BSN: variants seen among roughly 807,000 people sequenced by gnomAD.
BSN encodes bassoon presynaptic cytomatrix protein, also known as protein bassoon.
BSN carries 57 observed loss-of-function variants against 264.8 expected under a neutral mutation model. The ratio of observed to expected loss-of-function variants is 0.22; its 90% CI spans 0.17 to 0.27. BSN has a LOEUF of 0.27. Ranked by LOEUF, BSN falls within the 10% of genes least tolerant of loss-of-function variation. BSN has a pLI of 1.00. For missense variants in BSN, 4,615 were observed against 5,232.5 expected (o/e 0.88, Z 3.64); for synonymous variants, 2,059 against 2,137.3 (o/e 0.96, Z 1.01).
chr3:49,655,334 G>A lies in BSN; in HGVS notation c.5778G>A (p.Lys1926=), dbSNP rs1178195914. The A allele has an allele frequency of 1.2e-6, 2 of 1,605,772 alleles. No homozygotes were observed. The highest frequency in any genetic ancestry group is 1.7e-6 in the Non-Finnish European group (2 of 1,176,190). ...ACCCGGCCCCCAGTGTGCCTGAGAAGAGCATGGCAGATGCTGCCCCACCTG... is the reference window on the plus strand; with the variant it reads ...ACCCGGCCCCCAGTGTGCCTGAGAAAAGCATGGCAGATGCTGCCCCACCTG... ...TFHPAPSVPE[K]SMADAAPPGQ... The change falls in exon 5 of 12, where the codon AAG becomes AAA. Residue 1926 remains lysine (K), a synonymous_variant. Coordinates refer to ENST00000296452, the MANE Select transcript of BSN (RefSeq NM_003458.4).
intron 2 of BSN, chr3:49,641,704 C>T (rs2052466322): frequency 6.6e-6 from 1 of 152,252 alleles, no homozygotes; most frequent in Admixed American, 6.5e-5. Context: ...CTCTAAGCTT[C>T]TTCAGGATAG....
chr3:49,662,166 A>T lies in BSN; in HGVS notation c.10321A>T (p.Ser3441Cys). The T allele has an allele frequency of 6.2e-7, 1 of 1,612,772 alleles. No individual in the cohort carries two copies. The highest frequency in any genetic ancestry group is 8.5e-7 in the Non-Finnish European group (1 of 1,179,874). Residue 3441 changes from serine to cysteine, a missense_variant, in exon 6 of 12, where the codon AGC becomes TGC. This residue lies in a region of BSN where 3,415 missense variants were observed against 3,866.4 expected (regional missense o/e 0.88). Coordinates refer to ENST00000296452, the MANE Select transcript of BSN (RefSeq NM_003458.4). The part of the protein sequence containing the change: ...VEDDRIYGGS[S>C]RSRAPSAYSG... Reference sequence around the variant, plus strand: ...GGACGACCGCATTTATGGCGGGAGCAGCCGGTCCCGGGCACCTTCTGCATA... The same window carrying T: ...GGACGACCGCATTTATGGCGGGAGCTGCCGGTCCCGGGCACCTTCTGCATA...
intron 2 of BSN, among the ~76,000 whole-genome samples, chr3:49,628,562 C>T (rs2052360923): frequency 6.6e-6 from 1 of 152,202 alleles, no homozygotes; most frequent in Non-Finnish European, 1.5e-5. Context: ...ACTACACTTA[C>T]ACAGACAGAC....
chr3:49,657,747 G>C lies in BSN; in HGVS notation c.8191G>C (p.Gly2731Arg). The C allele has an allele frequency of 6.5e-7, 1 of 1,548,604 alleles. No homozygotes were observed. The highest frequency in any genetic ancestry group is 1.4e-5 in the African/African-American group (1 of 73,292). The change falls in exon 5 of 12, where the codon GGG becomes CGG. Residue 2731 changes from glycine (G) to arginine (R), a missense_variant. Physicochemically the swap from Gly to Arg is moderately radical, Grantham distance 125. This residue lies in a region of BSN where 3,415 missense variants were observed against 3,866.4 expected (regional missense o/e 0.88). Transcript: ENST00000296452. Reference sequence around the variant, plus strand: ...AGATGGGCAGGCCCAGGGTGTAGCCGGGCCGCAGCTTGTAGGGCCAACTGC... The same window carrying C: ...AGATGGGCAGGCCCAGGGTGTAGCCCGGCCGCAGCTTGTAGGGCCAACTGC... ...EPDGQAQGVA[G>R]PQLVGPTAIS...
intron 1 of BSN, among the ~76,000 whole-genome samples, chr3:49,569,114 C>T (rs1412272935): frequency 6.6e-6 from 1 of 152,056 alleles, no homozygotes; most frequent in Non-Finnish European, 1.5e-5. Flanking sequence ...CTGGTGTACA[C>T]AGGGAGGAGG....
chr3:49,639,199 CTTT>C (rs71631022), intron 2 of BSN, among the ~76,000 whole-genome samples: 5 of 133,858 alleles, frequency 3.7e-5, no homozygotes, highest in Admixed American at 7.5e-5. Flanking sequence ...CTTTCTTTTT[CTTT>C]TTTTTTTTTT....
At chr3:49,575,114 A>G (rs1412870849) in intron 1 of BSN, among the ~76,000 whole-genome samples, 1 of 152,082 alleles carries the variant, frequency 6.6e-6, no homozygotes, top group African/African-American at 2.4e-5. Flanking sequence ...TGGGATGCCA[A>G]GGCGGGCAGA....
intron 1 of BSN, among the ~76,000 whole-genome samples, chr3:49,561,395 G>A (rs2051710966): frequency 6.6e-6 from 1 of 152,242 alleles, no homozygotes; most frequent in African/African-American, 2.4e-5. Flanking sequence ...ACTGGCTTGT[G>A]TGGGGAGCCA....
chr3:49,667,096 C>T (rs763285548), intron 11 of BSN, among the ~76,000 whole-genome samples: 1 of 152,148 alleles, frequency 6.6e-6, no homozygotes, highest in Non-Finnish European at 1.5e-5. Flanking sequence ...CTTTGTTCTG[C>T]GTCCTGCCAC....
At chr3:49,613,502 ATTT>A (rs908149113) in intron 1 of BSN, among the ~76,000 whole-genome samples, 1 of 146,086 alleles carries the variant, frequency 6.8e-6, no homozygotes, top group African/African-American at 2.5e-5. Flanking sequence ...TATTATTATT[ATTT>A]TTTTTTGAGA....
At chr3:49,643,363 G>A (rs2052481821) in intron 3 of BSN, among the ~76,000 whole-genome samples, 1 of 152,210 alleles carries the variant, frequency 6.6e-6, no homozygotes, top group African/African-American at 2.4e-5. Flanking sequence ...AGAGTTGGGG[G>A]TAATGGTGCC....
chr3:49,645,227 C>A (rs554924572), intron 3 of BSN, among the ~76,000 whole-genome samples: 1 of 152,228 alleles, frequency 6.6e-6, no homozygotes, highest in African/African-American at 2.4e-5. Context: ...CTCCTGACAG[C>A]AGTCAGGGGT....
chr3:49,601,635 T>C (rs1425245005), intron 1 of BSN, among the ~76,000 whole-genome samples: 1 of 152,200 alleles, frequency 6.6e-6, no homozygotes, highest in Non-Finnish European at 1.5e-5. Flanking sequence ...GAGGCCGTCA[T>C]TCTTACTGAA....
rs1469026689 is a variant in BSN at position 49,585,007 on chromosome 3, A to G, written c.224+30181A>G. On this transcript the variant is annotated intron_variant, in intron 1 of 11. Transcript: ENST00000296452. This position sits in a 1 kb window ranked among gnomAD's most constrained non-coding sequence, Gnocchi z 4.7. ...ATGGCTGAGTAGTACTCCACTGTAT[A>G]TACGTGCCACATTTTCTTTATCCAT... Among the ~76,000 whole-genome samples the G allele has an allele frequency of 6.6e-6, 1 of 152,168 alleles. No individual in the cohort carries two copies. The highest frequency in any genetic ancestry group is 1.5e-5 in the Non-Finnish European group (1 of 68,036).
Position 49,651,027 on chromosome 3 carries a change from C to T in BSN, c.1934C>T (p.Ala645Val). ...AGTGGGGTGAGGAGGGCTGAACCTG[C>T]CACCCCTGTCGTCAAGGCTGTTCCA... The part of the protein sequence containing the change: ...VKSGVRRAEP[A>V]TPVVKAVPEA... Residue 645 changes from alanine to valine, a missense_variant, in exon 4 of 12, where the codon GCC becomes GTC. Transcript: ENST00000296452. The surrounding 1 kb of genome is among the most constrained non-coding windows in gnomAD (Gnocchi z 5.4). The T allele has an allele frequency of 6.2e-7, 1 of 1,613,722 alleles. No individual in the cohort carries two copies. Among genetic ancestry groups the T allele is most frequent in the Non-Finnish European group, 8.5e-7 (1 of 1,179,912 alleles).
chr3:49,653,843 G>A lies in BSN; in HGVS notation c.4287G>A (p.Gly1429=), dbSNP rs941259480. The A allele has an allele frequency of 1.2e-6, 2 of 1,614,090 alleles. No individual in the cohort carries two copies. Among genetic ancestry groups the A allele is most frequent in the African/African-American group, 1.3e-5 (1 of 75,002 alleles). ...YGHSPTTANY[G]SQTEDLPQAP... ...ACAGCCCAACCACTGCAAACTATGG[G>A]TCCCAAACTGAGGATCTACCCCAGG... is the stretch of plus-strand genomic sequence containing the variant. The change falls in exon 5 of 12, where the codon GGG becomes GGA. Residue 1429 remains glycine (G), a synonymous_variant. Transcript: ENST00000296452. This position sits in a 1 kb window ranked among gnomAD's most constrained non-coding sequence, Gnocchi z 6.3.
chr3:49,627,076 C>T (rs775535445), intron 2 of BSN, among the ~76,000 whole-genome samples: 3 of 152,266 alleles, frequency 2.0e-5, no homozygotes, highest in Admixed American at 2.0e-4. Context: ...CTCACACTTA[C>T]TTCAGATCCA....
In BSN at chr3:49,657,764, G is replaced by A; in HGVS notation, c.8208G>A (p.Gly2736=). ...AQGVAGPQLV[G]PTAISPYLPG... ...GTGTAGCCGGGCCGCAGCTTGTAGG[G>A]CCAACTGCCATCAGCCCCTACCTGC... is the stretch of plus-strand genomic sequence containing the variant. The change falls in exon 5 of 12, where the codon GGG becomes GGA. Residue 2736 remains glycine (G), a synonymous_variant. Coordinates refer to ENST00000296452, the MANE Select transcript of BSN (RefSeq NM_003458.4). The A allele has an allele frequency of 6.4e-7, 1 of 1,552,870 alleles. No homozygotes were observed. The highest frequency in any genetic ancestry group is 8.7e-7 in the Non-Finnish European group (1 of 1,147,680).
In BSN at chr3:49,668,094, A is replaced by G. The variant is rs527682776; in HGVS notation, c.*609A>G. ...CTGGGTGACATCGGAGCAGACCTCC[A>G]TGTGGCCAGGGGTTGGGAGAACTTT... On this transcript the variant is annotated 3_prime_UTR_variant, in exon 12 of 12. Coordinates refer to ENST00000296452, the MANE Select transcript of BSN (RefSeq NM_003458.4). The G allele has an allele frequency of 6.6e-6, 1 of 152,590 alleles. No homozygotes were observed. The highest frequency in any genetic ancestry group is 1.5e-5 in the Non-Finnish European group (1 of 68,034). The allele number at this position is 152,590 out of a possible 1,614,324, so 9.5% of individuals were successfully genotyped here.
Sources: gnomAD v4.1 joint callset for allele counts (sites outside exome capture counted in the v4.1 genomes callset) on GRCh38, gnomAD v4.1.1 for gene constraint, gnomAD v4.1.1 regional missense constraint, Gnocchi (gnomAD v3.1) non-coding constraint, MANE v1.5 for transcripts, NCBI Gene and HGNC (gene_info 2026-07-23, HGNC 2026-07-21) for gene names.